The following MPDZ variants were observed in gnomAD, a reference collection of about 807,000 sequenced individuals.
MPDZ encodes multiple PDZ domain crumbs cell polarity complex component, also known as multiple PDZ domain protein.
MPDZ carries 234 observed loss-of-function variants against 239.1 expected under a neutral mutation model. The ratio of observed to expected loss-of-function variants is 0.98; its 90% confidence interval spans 0.88 to 1.09. The LOEUF is 1.09. Among genes scored for constraint, MPDZ ranks in the 50% least tolerant of loss-of-function variants. The pLI is 0.00. For missense variants in MPDZ, 3,175 were observed against 2,510.0 expected (o/e 1.26, Z -5.66); for synonymous variants, 1,048 against 881.3 (o/e 1.19, Z -3.35).
intron 22 of MPDZ, among the ~76,000 whole-genome samples, chr9:13,166,096 C>T (rs142020733): frequency 1.0e-3 from 159 of 152,234 alleles, no homozygotes; most frequent in South Asian, 2.7e-3. Context: ...TCCACCACCA[C>T]CCAGATTAAG....
At position 13,126,776 on chromosome 9, in the gene MPDZ, G is replaced by C. The variant is rs771307739; in HGVS notation, c.4465-4C>G. 2.2e-5 allele frequency: 35 copies of C among 1,612,520 alleles called. No individual in the cohort carries two copies. The South Asian group carries it at 3.6e-4, about 17-fold the overall frequency. Reference sequence around the variant, plus strand: ...CAATACCCAAACCCCCCTGATCCTAGAAAAGTAAAAACAAAAATGCTCAGA... The same window carrying C: ...CAATACCCAAACCCCCCTGATCCTACAAAAGTAAAAACAAAAATGCTCAGA... On this transcript the variant is annotated splice_polypyrimidine_tract_variant and splice_region_variant and intron_variant, in intron 32 of 46. Coordinates refer to ENST00000319217, the MANE Select transcript of MPDZ (RefSeq NM_001378778.1).
At chr9:13,273,440 G>C (rs1588263611) in intron 1 of MPDZ, among the ~76,000 whole-genome samples, 1 of 152,194 alleles carries the variant, frequency 6.6e-6, no homozygotes, top group East Asian at 1.9e-4. Flanking sequence ...GTATCCTATG[G>C]AGCCACCTGA....
At chr9:13,240,580 TAAAAAAAAAAAAAAAAAAAA>T (rs71331533) in intron 3 of MPDZ, among the ~76,000 whole-genome samples, 1 of 44,012 alleles carries the variant, frequency 2.3e-5, no homozygotes, top group East Asian at 8.8e-4. Flanking sequence ...ATAATAAAAG[TAAAAAAAAAAAAAAAAAAAA>T]AAAAAAAAGA....
chr9:13,171,806 G>A (rs1286835084), intron 21 of MPDZ, among the ~76,000 whole-genome samples: 1 of 152,014 alleles, frequency 6.6e-6, no homozygotes, highest in Non-Finnish European at 1.5e-5. Context: ...GTCATCACTA[G>A]ACAAAGAAAA....
In MPDZ at chr9:13,113,002, C is replaced by T; in HGVS notation, c.5601+9G>A. 5 of 1,580,760 alleles carry T rather than the reference C, an allele frequency of 3.2e-6. No homozygotes were observed. Among genetic ancestry groups the T allele is most frequent in the Non-Finnish European group, 3.4e-6 (4 of 1,160,782 alleles). Reference sequence around the variant, plus strand: ...CCAGGGTTTATATTGTTTTCTCTCCCCAAGTTACCTTTTTCATTTCGACTG... The same window carrying T: ...CCAGGGTTTATATTGTTTTCTCTCCTCAAGTTACCTTTTTCATTTCGACTG... On this transcript the variant is annotated intron_variant, in intron 42 of 46. Coordinates refer to ENST00000319217, the MANE Select transcript of MPDZ (RefSeq NM_001378778.1).
intron 32 of MPDZ, among the ~76,000 whole-genome samples, chr9:13,133,311 T>A (rs2132112355): frequency 6.6e-6 from 1 of 152,310 alleles, no homozygotes; most frequent in South Asian, 2.1e-4. Context: ...ACTTCTTTTC[T>A]TTTTAACCAC....
chr9:13,166,395 TA>T (rs144633382), intron 22 of MPDZ, among the ~76,000 whole-genome samples: 31 of 152,242 alleles, frequency 2.0e-4, no homozygotes, highest in South Asian at 8.3e-4. Context: ...AAATCTAACA[TA>T]TTTTTTTTTC....
intron 1 of MPDZ, among the ~76,000 whole-genome samples, chr9:13,262,494 G>A (rs1423962652): frequency 6.6e-6 from 1 of 151,722 alleles, no homozygotes; most frequent in Non-Finnish European, 1.5e-5. Flanking sequence ...CTTCATAGGA[G>A]GATAGAAATG....
intron 1 of MPDZ, among the ~76,000 whole-genome samples, chr9:13,266,257 A>G (rs796763869): frequency 2.6e-5 from 4 of 152,226 alleles, no homozygotes; most frequent in Admixed American, 2.6e-4. Context: ...AGCAGGCTCA[A>G]ATTTCTCATC....
At chr9:13,109,213 T>C (rs188001802) in intron 45 of MPDZ, among the ~76,000 whole-genome samples, 154 bp from the exon 46 acceptor site, 65 of 152,290 alleles carry the variant, frequency 4.3e-4, no homozygotes, top group African/African-American at 1.5e-3. Context: ...GCTTAAATTG[T>C]CAGTGCATGC....
chr9:13,241,478 T>C (rs1431490243), intron 3 of MPDZ, among the ~76,000 whole-genome samples: 1 of 152,162 alleles, frequency 6.6e-6, no homozygotes, highest in Non-Finnish European at 1.5e-5. Context: ...AACCTAGACA[T>C]TCTTGGAAAG....
At chr9:13,247,981 C>A (rs1469281623) in intron 2 of MPDZ, among the ~76,000 whole-genome samples, 180 bp from the exon 3 acceptor site, 1 of 152,126 alleles carries the variant, frequency 6.6e-6, no homozygotes. Context: ...AATCCCAGCA[C>A]TTTGGGAGAC....
At chr9:13,238,067 C>T (rs956716316) in intron 3 of MPDZ, among the ~76,000 whole-genome samples, 1 of 152,108 alleles carries the variant, frequency 6.6e-6, no homozygotes, top group Non-Finnish European at 1.5e-5. Flanking sequence ...GGGTATAGTC[C>T]TTGGTAAGGT....
rs554200060 is a variant in MPDZ, at chr9:13,225,574, T to C, written c.184-991A>G. Among the ~76,000 whole-genome samples the C allele has an allele frequency of 2.0e-5, 3 of 152,158 alleles. No individual in the cohort carries two copies. The East Asian group carries it at 5.8e-4, about 29-fold the overall frequency. On this transcript the variant is annotated intron_variant, in intron 3 of 46. Coordinates refer to ENST00000319217, the MANE Select transcript of MPDZ (RefSeq NM_001378778.1). ...TCTCCTATACAGGTGTACCATTTTT[T>C]ACCTTTTAACCACATTTTTACTGTA...
At chr9:13,229,028 G>C (rs1464979613) in intron 3 of MPDZ, among the ~76,000 whole-genome samples, 1 of 152,068 alleles carries the variant, frequency 6.6e-6, no homozygotes, top group Non-Finnish European at 1.5e-5. Context: ...TATCTTCTTA[G>C]GAAGTTCCTC....
intron 35 of MPDZ, 26 bp downstream of exon 35, chr9:13,125,190 G>C (rs761827517): frequency 3.9e-6 from 6 of 1,535,656 alleles, no homozygotes; most frequent in Non-Finnish European, 5.3e-6. Context: ...ATATGTGCAG[G>C]ACTCTCATGA....
At chr9:13,128,149 A>T (rs1212196318) in intron 32 of MPDZ, among the ~76,000 whole-genome samples, 1 of 152,198 alleles carries the variant, frequency 6.6e-6, no homozygotes, top group Non-Finnish European at 1.5e-5. Flanking sequence ...TAGATTAAAA[A>T]TATGAGCAGA....
intron 3 of MPDZ, among the ~76,000 whole-genome samples, chr9:13,230,697 T>C (rs1372138560): frequency 2.0e-5 from 3 of 152,010 alleles, no homozygotes; most frequent in Non-Finnish European, 2.9e-5. Flanking sequence ...CTGATCTTGA[T>C]TGTGGGGATA....
In MPDZ at chr9:13,223,664, C is replaced by A. The variant is rs1460656365; in HGVS notation, c.440G>T (p.Gly147Val). The stretch of plus-strand genomic sequence containing the variant: ...TAGTCCCACAACACTAAACCCAAGG[C>A]CTCCAGATGGAGGTTTGAGGAGCTC... Reference protein sequence around the residue: ...VFELLKPPSGGLGFSVVGLRS... With the variant: ...VFELLKPPSGVLGFSVVGLRS... The change falls in exon 5 of 47, where the codon GGC becomes GTC. Residue 147 changes from glycine to valine, a missense_variant. Physicochemically the swap from Gly to Val is moderately radical, Grantham distance 109. Transcript: ENST00000319217. 6.2e-7 allele frequency: 1 copy of A among 1,611,580 alleles called. No homozygotes were observed.
Sources: gnomAD v4.1 joint callset for allele counts (sites outside exome capture counted in the v4.1 genomes callset) on GRCh38, gnomAD v4.1.1 for gene constraint, MANE v1.5 for transcripts, NCBI Gene and HGNC (gene_info 2026-07-23, HGNC 2026-07-21) for gene names.